The following CALD1 variants were observed in gnomAD, a reference collection of about 807,000 sequenced individuals.
The protein encoded by CALD1 is caldesmon 1, also known as caldesmon.
CALD1 carries 33 observed loss-of-function variants against 99.9 expected under a neutral mutation model. The observed-to-expected ratio is 0.33, with a 90% CI of 0.25 to 0.44. The LOEUF (loss-of-function observed/expected upper bound fraction) is 0.44, where lower values mean the gene tolerates loss of function less well. Among genes scored for constraint, CALD1 ranks in the 20% least tolerant of loss-of-function variants. The pLI is 1.00. For missense variants in CALD1, 861 were observed against 962.1 expected (o/e 0.89, Z 1.39); for synonymous variants, 310 against 325.0 (o/e 0.95, Z 0.50).
At chr7:134,794,125 T>C (rs1797655206) in intron 1 of CALD1, among the ~76,000 whole-genome samples, 1 of 152,110 alleles carries the variant, frequency 6.6e-6, no homozygotes, top group Non-Finnish European at 1.5e-5. Context: ...CACTTCAAAA[T>C]AAGCCACCAA....
the CALD1 span, among the ~76,000 whole-genome samples, chr7:134,714,491 C>T: frequency 6.6e-6 from 1 of 152,158 alleles, no homozygotes; most frequent in South Asian, 2.1e-4. Flanking sequence ...TTAGGCCACT[C>T]CTGTCTGCCT....
intron 4 of CALD1, among the ~76,000 whole-genome samples, chr7:134,929,638 G>GTATATATACACACACATA (rs1805361358): frequency 3.3e-5 from 2 of 61,294 alleles, no homozygotes; most frequent in African/African-American, 1.1e-4. Context: ...GTGTGTGTGT[G>GTATATATACACACACATA]TGTGTGTGTA....
chr7:134,882,183 G>A (rs1485996784), intron 3 of CALD1, among the ~76,000 whole-genome samples: 1 of 152,178 alleles, frequency 6.6e-6, no homozygotes, highest in African/African-American at 2.4e-5. Context: ...TAAGCTACTT[G>A]TGAGGGAGGC....
chr7:134,774,782 C>T (rs1324239446), upstream of CALD1, among the ~76,000 whole-genome samples: 1 of 152,212 alleles, frequency 6.6e-6, no homozygotes, highest in Admixed American at 6.5e-5. Flanking sequence ...AGCCATCTGT[C>T]CATTTTCCAT....
At chr7:134,782,829 C>T (rs932829913) in intron 1 of CALD1, among the ~76,000 whole-genome samples, 3 of 152,262 alleles carry the variant, frequency 2.0e-5, no homozygotes, top group East Asian at 3.9e-4. Flanking sequence ...ATTTAAGGAC[C>T]CTTGAGTGAT....
At chr7:134,804,788 T>C (rs992852614) in intron 1 of CALD1, among the ~76,000 whole-genome samples, 7 of 152,212 alleles carry the variant, frequency 4.6e-5, no homozygotes, top group Non-Finnish European at 8.8e-5. Context: ...TCCCCAAACA[T>C]ACCTGCACTG....
the CALD1 span, among the ~76,000 whole-genome samples, chr7:134,728,749 G>A: frequency 9.0e-4 from 136 of 151,724 alleles, no homozygotes; most frequent in Non-Finnish European, 1.7e-3. Flanking sequence ...TGTCCCTATC[G>A]TTCTATCCCT....
chr7:134,924,561 T>C (rs1006263498), intron 3 of CALD1, among the ~76,000 whole-genome samples: 1 of 152,204 alleles, frequency 6.6e-6, no homozygotes, highest in Non-Finnish European at 1.5e-5. Flanking sequence ...ATTTTACCTA[T>C]AAAGTCAACT....
chr7:134,711,727 T>TGTCTCC, the CALD1 span, among the ~76,000 whole-genome samples: 120 of 87,314 alleles, frequency 1.4e-3, no homozygotes, highest in African/African-American at 5.8e-3. Context: ...TGTGTGTGTG[T>TGTCTCC]CTCTCTCTCT....
intron 2 of CALD1, among the ~76,000 whole-genome samples, chr7:134,854,674 A>G (rs1473949324): frequency 2.0e-5 from 3 of 152,176 alleles, no homozygotes; most frequent in African/African-American, 7.2e-5. Flanking sequence ...GATTAATGTC[A>G]TAGCACAGGG....
At chr7:134,737,365 GA>G in the CALD1 span, among the ~76,000 whole-genome samples, 1 of 152,002 alleles carries the variant, frequency 6.6e-6, no homozygotes, top group African/African-American at 2.4e-5. Flanking sequence ...CTGAGCTCAA[GA>G]AATCCTCCCA....
intron 1 of CALD1, among the ~76,000 whole-genome samples, chr7:134,769,771 G>C (rs1796862384): frequency 6.6e-6 from 1 of 152,146 alleles, no homozygotes; most frequent in South Asian, 2.1e-4. Flanking sequence ...TTGAGTAGCT[G>C]GGATTACAGG....
chr7:134,724,663 G>T, the CALD1 span, among the ~76,000 whole-genome samples: 75 of 152,322 alleles, frequency 4.9e-4, no homozygotes, highest in African/African-American at 1.8e-3. Context: ...CAAGGTCCAC[G>T]ATTCTTCTAT....
At chr7:134,898,812 C>T (rs1329372061) in intron 3 of CALD1, among the ~76,000 whole-genome samples, 1 of 152,208 alleles carries the variant, frequency 6.6e-6, no homozygotes, top group African/African-American at 2.4e-5. Context: ...ACCTCAGCCT[C>T]CCAAAGTGCC....
At position 134,958,301 on chromosome 7, in the gene CALD1, T is replaced by C; in HGVS notation, c.2061+11T>C. On this transcript the variant is annotated intron_variant, in intron 11 of 14. Coordinates refer to ENST00000361675, the MANE Select transcript of CALD1 (RefSeq NM_033138.4). ...ACCAGTGCAATTGAGGTGAGAATTG[T>C]CCTCAGCGTTATGGTCCTGCTGAAC... is the stretch of plus-strand genomic sequence containing the variant. The C allele has an allele frequency of 1.2e-6, 2 of 1,602,626 alleles. No individual in the cohort carries two copies.
chr7:134,723,666 ATG>A, the CALD1 span, among the ~76,000 whole-genome samples: 1 of 148,194 alleles, frequency 6.7e-6, no homozygotes, highest in African/African-American at 2.5e-5. Context: ...AACATGTGGC[ATG>A]TCTGGAAATA....
At chr7:134,819,857 C>G (rs1161657275) in intron 1 of CALD1, among the ~76,000 whole-genome samples, 1 of 150,932 alleles carries the variant, frequency 6.6e-6, no homozygotes, top group East Asian at 2.0e-4. Flanking sequence ...TCCTAGGCAA[C>G]ATAGTGACAA....
intron 1 of CALD1, among the ~76,000 whole-genome samples, chr7:134,791,780 T>C (rs1045693986): frequency 6.6e-6 from 1 of 152,076 alleles, no homozygotes; most frequent in African/African-American, 2.4e-5. Context: ...CGAGACTGGG[T>C]AATTTATAAA....
chr7:134,903,776 G>C (rs1441584647), intron 3 of CALD1, among the ~76,000 whole-genome samples: 1 of 152,050 alleles, frequency 6.6e-6, no homozygotes, highest in African/African-American at 2.4e-5. Context: ...AGTTAGCTCG[G>C]TCAAGTCCCT....
Sources: gnomAD v4.1 joint callset for allele counts (sites outside exome capture counted in the v4.1 genomes callset) on GRCh38, gnomAD v4.1.1 for gene constraint, MANE v1.5 for transcripts, NCBI Gene and HGNC (gene_info 2026-07-23, HGNC 2026-07-21) for gene names.